Variants in UBA6 observed in about 807,000 individuals in gnomAD.
UBA6 encodes ubiquitin like modifier activating enzyme 6.
A neutral mutation model predicts 148.3 loss-of-function variants in UBA6; 87 were observed. The ratio of observed to expected loss-of-function variants is 0.59; its 90% CI spans 0.49 to 0.70. UBA6 has a LOEUF of 0.70. UBA6 is among the 30% of genes least tolerant of loss of function. UBA6 has a pLI of 0.00. For synonymous variants in UBA6, 376 were observed against 401.0 expected (o/e 0.94, Z 0.75); for missense variants, 1,186 against 1,241.2 (o/e 0.96, Z 0.67).
chr4:67,642,262 A>G (rs2109913807), intron 17 of UBA6, among the ~76,000 whole-genome samples: 1 of 152,212 alleles, frequency 6.6e-6, no homozygotes, highest in South Asian at 2.1e-4. Flanking sequence ...TTTAGAAGCT[A>G]AGTGCCTAAT....
chr4:67,630,283 T>A (rs868694714), intron 26 of UBA6, among the ~76,000 whole-genome samples, 183 bp downstream of exon 26: 2 of 152,260 alleles, frequency 1.3e-5, no homozygotes, highest in African/African-American at 2.4e-5. Flanking sequence ...GACTTCTACT[T>A]AGCAATACTG....
Position 67,679,049 on chromosome 4 carries a change from C to T in UBA6, c.259-516G>A, listed in dbSNP as rs144778819. ...GGAACTGGCTTTAAGATGATACATC[C>T]GTACAATGTATAATCATGCAACTAT... is the stretch of plus-strand genomic sequence containing the variant. On this transcript the variant is annotated intron_variant, in intron 4 of 32. Coordinates refer to ENST00000322244, the MANE Select transcript of UBA6 (RefSeq NM_018227.6). Among the ~76,000 whole-genome samples the T allele has an allele frequency of 2.7e-3, 403 of 151,876 alleles. 2 individuals carry two copies. The highest frequency in any genetic ancestry group is 9.1e-3 in the African/African-American group (375 of 41,386).
intron 17 of UBA6, among the ~76,000 whole-genome samples, chr4:67,643,040 C>G (rs1729342900): frequency 6.6e-6 from 1 of 151,632 alleles, no homozygotes; most frequent in South Asian, 2.1e-4. Flanking sequence ...AATTTCAGTG[C>G]CTTTTTTTCC....
chr4:67,620,384 A>G (rs996824769), intron 32 of UBA6, among the ~76,000 whole-genome samples: 1 of 152,196 alleles, frequency 6.6e-6, no homozygotes, highest in South Asian at 2.1e-4. Context: ...CCTGAACTAG[A>G]GGTCTGAGTT....
rs1217631864 is a variant in UBA6 at position 67,634,477 on chromosome 4, T to C, written c.1884A>G (p.Lys628=). 1.3e-6 allele frequency: 2 copies of C among 1,588,512 alleles called. No individual in the cohort carries two copies. The highest frequency in any genetic ancestry group is 2.4e-5 in the South Asian group (2 of 84,932). Residue 628 remains lysine (K), a synonymous_variant, in exon 21 of 33, where the codon AAA becomes AAG. Coordinates refer to ENST00000322244, the MANE Select transcript of UBA6 (RefSeq NM_018227.6). Reference sequence around the variant, plus strand: ...TATGTTCAATAGCAGCTGGAAAGGATTTTAGAGTACAAAATGGTATTTCCT... The same window carrying C: ...TATGTTCAATAGCAGCTGGAAAGGACTTTAGAGTACAAAATGGTATTTCCT... ...PEEEIPFCTL[K]SFPAAIEHTI...
chr4:67,650,732 T>C (rs1729535102), intron 13 of UBA6, among the ~76,000 whole-genome samples: 1 of 152,002 alleles, frequency 6.6e-6, no homozygotes. Context: ...GGCCTTATGG[T>C]AACAAAACAC....
intron 18 of UBA6, among the ~76,000 whole-genome samples, chr4:67,640,796 T>C (rs1001014103): frequency 2.6e-5 from 4 of 152,186 alleles, no homozygotes; most frequent in African/African-American, 4.8e-5. Context: ...TTATCTGATT[T>C]ATGACAAAGA....
In UBA6 at chr4:67,616,995, C is replaced by T. The variant is rs1330978473; in HGVS notation, c.*2002G>A. ...CTTAGTAGAACCAAACAGAAGAAATCATGGCAATAACCATTAACTATAGAA... is the reference window on the plus strand; with the variant it reads ...CTTAGTAGAACCAAACAGAAGAAATTATGGCAATAACCATTAACTATAGAA... On this transcript the variant is annotated 3_prime_UTR_variant, in exon 33 of 33. Coordinates refer to ENST00000322244, the MANE Select transcript of UBA6 (RefSeq NM_018227.6). 6.6e-6 allele frequency: 1 copy of T among 151,960 alleles called. No homozygotes were observed. Among genetic ancestry groups the T allele is most frequent in the Non-Finnish European group, 1.5e-5 (1 of 67,914 alleles). The allele number at this position is 151,960 out of a possible 1,614,324, so 9.4% of individuals were successfully genotyped here. A position where few individuals can be genotyped will look rare whatever the true frequency, so the allele number is the denominator to read the frequency against.
chr4:67,640,814 A>C (rs1054382528), intron 18 of UBA6, among the ~76,000 whole-genome samples: 1 of 152,220 alleles, frequency 6.6e-6, no homozygotes, highest in Non-Finnish European at 1.5e-5. Flanking sequence ...AGATAAAAAA[A>C]GACACTGCCA....
At chr4:67,636,818 T>A (rs528530600) in intron 19 of UBA6, among the ~76,000 whole-genome samples, 1 of 152,054 alleles carries the variant, frequency 6.6e-6, no homozygotes, top group African/African-American at 2.4e-5. Context: ...CGCCACCCCG[T>A]CTGGGAAGTG....
chr4:67,658,689 T>TA (rs1377559377), intron 13 of UBA6, among the ~76,000 whole-genome samples: 6 of 151,748 alleles, frequency 4.0e-5, no homozygotes, highest in African/African-American at 7.3e-5. Flanking sequence ...AGTTAAAAGT[T>TA]AAAAAAAATG....
chr4:67,633,576 T>C lies in UBA6; in HGVS notation c.2014-103A>G, dbSNP rs557784168. 10 of 998,354 alleles carry C rather than the reference T, an allele frequency of 1.0e-5. No individual in the cohort carries two copies. The East Asian group carries it at 2.5e-4, about 25-fold the overall frequency. 61.8% of individuals were successfully genotyped at this position (998,354 alleles called of 1,614,324 possible). A position where few individuals can be genotyped will look rare whatever the true frequency, so the allele number is the denominator to read the frequency against. On this transcript the variant is annotated intron_variant, in intron 22 of 32. Transcript: ENST00000322244. ...AAGTTTGAAGTGTCAACTCATGTGT[T>C]TTATGCTTTTCTTTTTTCACCTCAA...
chr4:67,625,016 G>C lies in UBA6; in HGVS notation c.2690C>G (p.Thr897Ser). 1 of 1,608,830 alleles carries C rather than the reference G, an allele frequency of 6.2e-7. No homozygotes were observed. The highest frequency in any genetic ancestry group is 2.2e-5 in the East Asian group (1 of 44,810). Reference protein sequence around the residue: ...AGKIIPAIATTTATVSGLVAL... With the variant: ...AGKIIPAIATSTATVSGLVAL... ...TACCAAGCCAGAAACTGTAGCAGTG[G>C]TTGTTGCTATAGCAGGTATAATTTT... The change falls in exon 29 of 33, where the codon ACC (threonine) becomes AGC (serine). Residue 897 changes from threonine to serine, a missense_variant. Transcript: ENST00000322244.
In UBA6 at chr4:67,621,573, C is replaced by T. The variant is rs534901500; in HGVS notation, c.3023+1258G>A. ...ATCCCAGCACTTTGGGAGGCTGAGGCGGGAGAAATCACCTTAGGTCAGGAG... is the reference window on the plus strand; with the variant it reads ...ATCCCAGCACTTTGGGAGGCTGAGGTGGGAGAAATCACCTTAGGTCAGGAG... On this transcript the variant is annotated intron_variant, in intron 32 of 32. Coordinates refer to ENST00000322244, the MANE Select transcript of UBA6 (RefSeq NM_018227.6). Among the ~76,000 whole-genome samples, 17 of 152,218 alleles carry T rather than the reference C, an allele frequency of 1.1e-4. No homozygotes were observed. In the East Asian group the frequency reaches 3.3e-3, roughly 29 times the overall value.
At position 67,678,080 on chromosome 4, in the gene UBA6, A is replaced by ATAATATATATAAAAGATATATTATATG. The variant is rs1445503976; in HGVS notation, c.353+332_353+358dup. On this transcript the variant is annotated intron_variant, in intron 5 of 32. Coordinates refer to ENST00000322244, the MANE Select transcript of UBA6 (RefSeq NM_018227.6). ...TAATATATATATATCTTTTATATAT[A>ATAATATATATAAAAGATATATTATATG]TAATATATATAAAAGATATATTATA... Among the ~76,000 whole-genome samples, 316 of 145,838 alleles carry ATAATATATATAAAAGATATATTATATG rather than the reference A, an allele frequency of 2.2e-3. 2 individuals are homozygous for ATAATATATATAAAAGATATATTATATG. Among genetic ancestry groups the ATAATATATATAAAAGATATATTATATG allele is most frequent in the Non-Finnish European group, 1.9e-3 (128 of 66,432 alleles).
rs917959910 is a variant in UBA6 at position 67,615,613 on chromosome 4, G to A, written c.*3384C>T. 2.0e-5 allele frequency: 3 copies of A among 152,128 alleles called. No individual in the cohort carries two copies. The highest frequency in any genetic ancestry group is 4.8e-5 in the African/African-American group (2 of 41,390). 9.4% of individuals were successfully genotyped at this position (152,128 alleles called of 1,614,324 possible). ...GTTCATTGTGAAACTGTAATTGCCT[G>A]AAACTAAAAACATCCCAATTGTCTA... is the stretch of plus-strand genomic sequence containing the variant. On this transcript the variant is annotated 3_prime_UTR_variant, in exon 33 of 33. Coordinates refer to ENST00000322244, the MANE Select transcript of UBA6 (RefSeq NM_018227.6).
intron 13 of UBA6, among the ~76,000 whole-genome samples, chr4:67,654,548 G>A (rs1729634637): frequency 6.6e-6 from 1 of 152,104 alleles, no homozygotes; most frequent in Non-Finnish European, 1.5e-5. Context: ...CACAAACATG[G>A]AAAGGAATAA....
rs1301869192 is a variant in UBA6, at chr4:67,630,539, T to C, written c.2259-4A>G. The C allele has an allele frequency of 3.8e-6, 6 of 1,566,056 alleles. No homozygotes were observed. Among genetic ancestry groups the C allele is most frequent in the Non-Finnish European group, 5.2e-6 (6 of 1,156,532 alleles). On this transcript the variant is annotated splice_polypyrimidine_tract_variant and splice_region_variant and intron_variant, in intron 25 of 32. Coordinates refer to ENST00000322244, the MANE Select transcript of UBA6 (RefSeq NM_018227.6). ...ATTCTGAAGGAAACTGAGGTGCCTT[T>C]TGAAATTAAAAAATAAAGCAAAATT...
chr4:67,655,277 C>T (rs1323804601), intron 13 of UBA6, among the ~76,000 whole-genome samples: 3 of 152,088 alleles, frequency 2.0e-5, no homozygotes, highest in African/African-American at 7.2e-5. Flanking sequence ...TAAAATTGAC[C>T]ACATAATTGG....
Sources: gnomAD v4.1 joint callset for allele counts (sites outside exome capture counted in the v4.1 genomes callset) on GRCh38, gnomAD v4.1.1 for gene constraint, MANE v1.5 for transcripts, NCBI Gene and HGNC (gene_info 2026-07-23, HGNC 2026-07-21) for gene names.